CRAMP1: variants seen among roughly 807,000 people sequenced by gnomAD.
CRAMP1 encodes the protein protein cramped-like.
Under a neutral mutation model 115.4 loss-of-function variants are expected in CRAMP1, and 50 were observed. The ratio of observed to expected loss-of-function variants is 0.43; its 90% CI spans 0.35 to 0.55. The LOEUF (loss-of-function observed/expected upper bound fraction) is 0.55, where lower values mean the gene tolerates loss of function less well. CRAMP1 is among the 20% of genes least tolerant of loss of function. The pLI is 0.01. For missense variants in CRAMP1, 1,679 were observed against 1,721.7 expected (o/e 0.98, Z 0.44); for synonymous variants, 866 against 745.4 (o/e 1.16, Z -2.64).
chr16:1,650,271 G>T (rs2036711814), intron 6 of CRAMP1, among the ~76,000 whole-genome samples: 1 of 152,156 alleles, frequency 6.6e-6, no homozygotes, highest in Non-Finnish European at 1.5e-5. Context: ...TTGCCTGTCT[G>T]AGGTTGCCAG....
In CRAMP1 at chr16:1,656,484, A is replaced by G. The variant is rs978777791; in HGVS notation, c.1727A>G (p.Gln576Arg). The G allele has an allele frequency of 1.2e-5, 19 of 1,577,592 alleles. No individual in the cohort carries two copies. The highest frequency in any genetic ancestry group is 9.1e-5 in the Admixed American group (5 of 54,956). Residue 576 changes from glutamine to arginine, a missense_variant, in exon 10 of 21, where the codon CAG becomes CGG. This residue lies in a region of CRAMP1 where 405 missense variants were observed against 302.6 expected (regional missense o/e 1.34). Coordinates refer to ENST00000397412, the MANE Select transcript of CRAMP1 (RefSeq NM_020825.4). This position sits in a 1 kb window ranked among gnomAD's most constrained non-coding sequence, Gnocchi z 5.6. ...KSCQDLIVPEQCRCADTRPGS... is the reference protein window; with the variant it reads ...KSCQDLIVPERCRCADTRPGS... ...TGTCAGGACCTCATTGTCCCCGAGC[A>G]GTGCCGCTGTGCGGACACACGGCCT...
chr16:1,634,026 CAA>C (rs35510689), intron 4 of CRAMP1, among the ~76,000 whole-genome samples: 7 of 138,256 alleles, frequency 5.1e-5, no homozygotes, highest in South Asian at 2.3e-4. Flanking sequence ...GACTCCGTCT[CAA>C]AAAAAAAAAA....
intron 2 of CRAMP1, among the ~76,000 whole-genome samples, chr16:1,618,676 T>C (rs1379315690): frequency 2.0e-5 from 3 of 152,220 alleles, no homozygotes; most frequent in Admixed American, 6.5e-5. Context: ...ACTCTTTATA[T>C]TTTGTATAAT....
intron 13 of CRAMP1, among the ~76,000 whole-genome samples, chr16:1,663,160 AG>A (rs1355227571): frequency 1.3e-5 from 2 of 152,218 alleles, no homozygotes; most frequent in Non-Finnish European, 2.9e-5. Context: ...AGCAGTTGCC[AG>A]GGCATGTGGG....
At chr16:1,670,999 G>A (rs553914209) in intron 20 of CRAMP1, among the ~76,000 whole-genome samples, 190 bp downstream of exon 20, 5 of 152,216 alleles carry the variant, frequency 3.3e-5, no homozygotes, top group Non-Finnish European at 7.4e-5. Context: ...GCCGGCTCTC[G>A]TCCCCACATG....
At chr16:1,644,122 A>T (rs561630318) in intron 6 of CRAMP1, among the ~76,000 whole-genome samples, 44 of 151,994 alleles carry the variant, frequency 2.9e-4, no homozygotes, top group African/African-American at 1.1e-3. Context: ...GGCAGTGCTG[A>T]CTCCTGGACC....
chr16:1,632,470 C>G (rs2036554874), intron 4 of CRAMP1, 105 bp downstream of exon 4: 1 of 1,186,714 alleles, frequency 8.4e-7, no homozygotes, highest in African/African-American at 1.5e-5. Context: ...CTGGCATTTT[C>G]TCACCAGCCG....
chr16:1,619,975 T>A (rs2036452561), intron 2 of CRAMP1, among the ~76,000 whole-genome samples: 1 of 152,198 alleles, frequency 6.6e-6, no homozygotes, highest in Non-Finnish European at 1.5e-5. Context: ...GCTCACCGAC[T>A]GCCTGTCGTA....
Position 1,652,490 on chromosome 16 carries a change from TC to T in CRAMP1, c.828-3del. ...CCTCAGCGTTCCTTCAAAACTCTTT[TC>T]CCAGGGCCACCACTGTACGTTACAA... is the stretch of plus-strand genomic sequence containing the variant. On this transcript the variant is annotated splice_region_variant and splice_polypyrimidine_tract_variant and intron_variant, in intron 6 of 20. Coordinates refer to ENST00000397412, the MANE Select transcript of CRAMP1 (RefSeq NM_020825.4). 6.4e-7 allele frequency: 1 copy of T among 1,551,306 alleles called. No homozygotes were observed. Among genetic ancestry groups the T allele is most frequent in the Non-Finnish European group, 8.7e-7 (1 of 1,146,664 alleles).
At chr16:1,663,295 A>C (rs1474018802) in intron 13 of CRAMP1, among the ~76,000 whole-genome samples, 1 of 152,236 alleles carries the variant, frequency 6.6e-6, no homozygotes, top group African/African-American at 2.4e-5. Context: ...CTGACGCATA[A>C]AAATACAGAA....
chr16:1,652,690 C>A, intron 7 of CRAMP1, 109 bp downstream of exon 7: 2 of 958,228 alleles, frequency 2.1e-6, no homozygotes, highest in Non-Finnish European at 3.2e-6. Flanking sequence ...TGTGTCTGAC[C>A]CTGCTTAATC....
intron 20 of CRAMP1, 34 bp from the exon 21 acceptor site, chr16:1,673,847 G>T: frequency 1.9e-6 from 3 of 1,610,452 alleles, no homozygotes; most frequent in Non-Finnish European, 2.5e-6. Context: ...AGCAGGTCGC[G>T]GTGACTTGTT....
chr16:1,665,864 AGTGGTGGGT>A, intron 14 of CRAMP1, 200 bp from the exon 15 acceptor site: 1 of 571,166 alleles, frequency 1.8e-6, no homozygotes, highest in Non-Finnish European at 3.1e-6. Context: ...TGGGAGGCAC[AGTGGTGGGT>A]GCCAGAGCTT....
chr16:1,622,283 C>T (rs1056245491), intron 2 of CRAMP1, among the ~76,000 whole-genome samples: 1 of 152,154 alleles, frequency 6.6e-6, no homozygotes, highest in Non-Finnish European at 1.5e-5. Context: ...GAGGCTGAGG[C>T]GGGAGGATTA....
chr16:1,641,903 G>T (rs1042961233), intron 6 of CRAMP1, among the ~76,000 whole-genome samples: 1 of 145,988 alleles, frequency 6.8e-6, no homozygotes, highest in Non-Finnish European at 1.5e-5. Flanking sequence ...CTGGAGCCTG[G>T]GGGGGGGTCC....
intron 3 of CRAMP1, among the ~76,000 whole-genome samples, chr16:1,627,047 G>A (rs1251895612): frequency 1.3e-5 from 2 of 152,188 alleles, no homozygotes; most frequent in Non-Finnish European, 2.9e-5. Context: ...TTCTGTTGTC[G>A]TAAGTAACGC....
At chr16:1,615,404 T>C (rs1360543442) in intron 2 of CRAMP1, among the ~76,000 whole-genome samples, 1 of 152,048 alleles carries the variant, frequency 6.6e-6, no homozygotes, top group African/African-American at 2.4e-5. Context: ...TGAAACTCAT[T>C]GGGGGGAAGA....
chr16:1,655,422 A>C, intron 9 of CRAMP1, 122 bp downstream of exon 9: 1 of 787,570 alleles, frequency 1.3e-6, no homozygotes, highest in Non-Finnish European at 2.2e-6. Context: ...CCATGCTGTG[A>C]CATGGTGTAC....
rs199852117 is a variant in CRAMP1 at position 1,655,202 on chromosome 16, G to C, written c.1038-17G>C. On this transcript the variant is annotated splice_polypyrimidine_tract_variant and intron_variant, in intron 8 of 20. Coordinates refer to ENST00000397412, the MANE Select transcript of CRAMP1 (RefSeq NM_020825.4). ...TGTTCTGCGAACCTCACTTCCTCCT[G>C]TCTGTCGTCTCCGTAGGATGATCGT... 252 of 1,609,296 alleles carry C rather than the reference G, an allele frequency of 1.6e-4. 2 individuals are homozygous for C. The East Asian group carries it at 5.5e-3, about 35-fold the overall frequency.
Sources: gnomAD v4.1 joint callset for allele counts (sites outside exome capture counted in the v4.1 genomes callset) on GRCh38, gnomAD v4.1.1 for gene constraint, gnomAD v4.1.1 regional missense constraint, Gnocchi (gnomAD v3.1) non-coding constraint, MANE v1.5 for transcripts, NCBI Gene and HGNC (gene_info 2026-07-23, HGNC 2026-07-21) for gene names.